Variants in COG7 observed in about 807,000 individuals in gnomAD.
COG7 encodes the protein component of oligomeric golgi complex 7, also known as conserved oligomeric Golgi complex subunit 7.
Under a neutral mutation model 91.5 loss-of-function variants are expected in COG7, and 49 were observed. That is an observed-to-expected ratio of 0.54 (90% CI 0.43 to 0.68). The LOEUF is 0.68. COG7 is among the 30% of genes least tolerant of loss of function. The probability of loss-of-function intolerance (pLI) is 0.00; values close to 1 mark genes in which losing one functional copy is unlikely to be tolerated. For synonymous variants in COG7, 365 were observed against 388.7 expected, an observed-to-expected ratio of 0.94 and a Z score of 0.72; for missense variants, 895 against 961.3, an observed-to-expected ratio of 0.93 and a Z score of 0.91.
chr16:23,407,253 G>A (rs1041189335), intron 11 of COG7, among the ~76,000 whole-genome samples: 3 of 152,292 alleles, frequency 2.0e-5, no homozygotes, highest in East Asian at 1.9e-4. Context: ...GTTCAAGTTC[G>A]TTCTTCCTGT....
intron 6 of COG7, among the ~76,000 whole-genome samples, chr16:23,429,147 G>A (rs996882737): frequency 2.6e-5 from 4 of 151,946 alleles, no homozygotes; most frequent in South Asian, 2.1e-4. Context: ...GTGCCACCAC[G>A]CCCAACTAAT....
In COG7 at chr16:23,424,754, T is replaced by A; in HGVS notation, c.1004A>T (p.His335Leu). ...AKGLEMALLP[H>L]LHEHNLVKVT... ...TGGCAGGAAGGAATGTTTACGTAGG[T>A]GGGGGAGCAGTGCCATCTCCAAGCC... The change falls in exon 7 of 17, where the codon CAC (histidine) becomes CTC (leucine). Residue 335 changes from histidine (H) to leucine (L), a missense_variant. His to Leu is a moderately conservative substitution (Grantham distance 99). Transcript: ENST00000307149. The A allele has an allele frequency of 6.2e-7, 1 of 1,613,992 alleles. No homozygotes were observed. Among genetic ancestry groups the A allele is most frequent in the Non-Finnish European group, 8.5e-7 (1 of 1,179,976 alleles).
chr16:23,395,497 T>G (rs1002640041), intron 14 of COG7, among the ~76,000 whole-genome samples: 1 of 152,242 alleles, frequency 6.6e-6, no homozygotes, highest in African/African-American at 2.4e-5. Flanking sequence ...TCAAAGCATT[T>G]TCTCCTATTT....
At chr16:23,431,878 A>G (rs1963940583) in intron 6 of COG7, among the ~76,000 whole-genome samples, 2 of 151,938 alleles carry the variant, frequency 1.3e-5, no homozygotes, top group Non-Finnish European at 2.9e-5. Flanking sequence ...ATGGTGGCTC[A>G]TGCCTGTAAT....
Position 23,443,832 on chromosome 16 carries a change from G to A in COG7, c.436-1187C>T, listed in dbSNP as rs554089717. ...TATCTGGAAGGATGGGCATAAAGTT[G>A]ATAACAGGGCTTGTCCGCACAAGAA... On this transcript the variant is annotated intron_variant, in intron 3 of 16. Coordinates refer to ENST00000307149, the MANE Select transcript of COG7 (RefSeq NM_153603.4). Among the ~76,000 whole-genome samples the A allele has an allele frequency of 4.1e-3, 630 of 152,184 alleles. 2 individuals carry two copies. The highest frequency in any genetic ancestry group is 0.034 in the Middle Eastern group (10 of 292).
At chr16:23,445,238 G>A in intron 2 of COG7, 74 bp from the exon 3 acceptor site, 1 of 999,658 alleles carries the variant, frequency 1.0e-6, no homozygotes, top group Non-Finnish European at 1.6e-6. Context: ...GACTTGAAAT[G>A]TAAGTATGGT....
In COG7 at chr16:23,419,847, C is replaced by A. The variant is rs1413511896; in HGVS notation, c.1010-1020G>T. 4.0e-5 allele frequency among the ~76,000 whole-genome samples: 6 copies of A among 150,474 alleles called. No homozygotes were observed. The East Asian group carries it at 1.2e-3, about 30-fold the overall frequency. On this transcript the variant is annotated intron_variant, in intron 7 of 16. Coordinates refer to ENST00000307149, the MANE Select transcript of COG7 (RefSeq NM_153603.4). ...CCTAGGACTTCCTAGAAACAGAATA[C>A]CCCCACTGGCAGGTCGTGGTGGCTC...
Position 23,442,461 on chromosome 16 carries a change from A to G in COG7, c.604+16T>C. On this transcript the variant is annotated intron_variant, in intron 4 of 16. Coordinates refer to ENST00000307149, the MANE Select transcript of COG7 (RefSeq NM_153603.4). ...TAGAGAGATATACACAGAGATGAGA[A>G]GCAGCTAGCACTCACCTACAGCCTG... The G allele has an allele frequency of 1.9e-6, 3 of 1,612,858 alleles. No homozygotes were observed. The highest frequency in any genetic ancestry group is 2.5e-6 in the Non-Finnish European group (3 of 1,179,138).
chr16:23,394,341 T>A (rs1002549970), intron 14 of COG7, among the ~76,000 whole-genome samples: 1 of 152,210 alleles, frequency 6.6e-6, no homozygotes, highest in African/African-American at 2.4e-5. Context: ...TTGTCAGATA[T>A]CCACGTGATG....
intron 14 of COG7, among the ~76,000 whole-genome samples, chr16:23,396,500 G>A (rs117441040): frequency 0.016 from 2,481 of 152,030 alleles, 44 homozygotes; most frequent in Non-Finnish European, 0.023. Context: ...TCAACATGAC[G>A]AAACCCTGTA....
intron 6 of COG7, among the ~76,000 whole-genome samples, chr16:23,425,361 TCA>T (rs1444879545): frequency 6.6e-6 from 1 of 152,134 alleles, no homozygotes; most frequent in Non-Finnish European, 1.5e-5. Flanking sequence ...AGACAGGGTC[TCA>T]CTCTGCCACC....
At chr16:23,419,601 T>G (rs1340728188) in intron 7 of COG7, among the ~76,000 whole-genome samples, 1 of 148,088 alleles carries the variant, frequency 6.8e-6, no homozygotes, top group Admixed American at 6.8e-5. Context: ...ATACAAAAAT[T>G]AGCCGGGCGT....
intron 11 of COG7, among the ~76,000 whole-genome samples, chr16:23,409,088 T>TGTGCGCGCGC (rs567307217): frequency 3.4e-5 from 5 of 147,806 alleles, no homozygotes; most frequent in African/African-American, 1.3e-4. Context: ...TGTGTGTGTG[T>TGTGCGCGCGC]GCGTGCATGT....
intron 3 of COG7, among the ~76,000 whole-genome samples, chr16:23,444,075 C>A (rs1319901522): frequency 1.3e-5 from 2 of 151,320 alleles, no homozygotes; most frequent in Admixed American, 1.3e-4. Context: ...TCACTTGAAC[C>A]CAGGAAGTGG....
rs1020130648 is a variant in COG7 at position 23,403,918 on chromosome 16, A to G, written c.1663-84T>C. The G allele has an allele frequency of 4.5e-6, 7 of 1,541,324 alleles. No homozygotes were observed. In the Admixed American group the frequency reaches 8.8e-5, roughly 19 times the overall value. On this transcript the variant is annotated intron_variant, in intron 12 of 16. Transcript: ENST00000307149. ...CTAGTTAACCATTTTGAAAACTCAC[A>G]GGAGAACTGGGGGTTCTATGCAATA...
At chr16:23,400,140 G>A (rs907040670) in intron 13 of COG7, among the ~76,000 whole-genome samples, 3 of 152,120 alleles carry the variant, frequency 2.0e-5, no homozygotes, top group African/African-American at 7.2e-5. Context: ...GCGTGAAAAG[G>A]TCCATAAGAA....
intron 8 of COG7, 44 bp from the exon 9 acceptor site, chr16:23,417,165 G>C: frequency 6.2e-7 from 1 of 1,603,968 alleles, no homozygotes; most frequent in Non-Finnish European, 8.5e-7. Context: ...CTTTAGAACA[G>C]ACAATGCTGA....
intron 13 of COG7, among the ~76,000 whole-genome samples, chr16:23,401,706 T>G (rs1963380218): frequency 6.6e-6 from 1 of 152,126 alleles, no homozygotes; most frequent in South Asian, 2.1e-4. Context: ...CTCATAATCT[T>G]TTTTTCATAA....
chr16:23,419,168 G>A (rs919386115), intron 7 of COG7, among the ~76,000 whole-genome samples: 1 of 152,158 alleles, frequency 6.6e-6, no homozygotes, highest in Non-Finnish European at 1.5e-5. Context: ...CACTTTGGGA[G>A]GCCGAGGCGG....
Sources: allele counts gnomAD v4.1 joint callset (sites outside exome capture counted in the v4.1 genomes callset), GRCh38; gene constraint gnomAD v4.1.1; transcripts MANE v1.5; gene names NCBI Gene and HGNC (gene_info 2026-07-23, HGNC 2026-07-21).